EDEM2: variants seen among roughly 807,000 people sequenced by gnomAD.
EDEM2 encodes ER degradation-enhancing alpha-mannosidase-like protein 2.
Under a neutral mutation model 64.8 loss-of-function variants are expected in EDEM2, and 39 were observed. That is an observed-to-expected ratio of 0.60 (90% CI 0.47 to 0.79). The LOEUF (loss-of-function observed/expected upper bound fraction) is 0.79, where lower values mean the gene tolerates loss of function less well. Among genes scored for constraint, EDEM2 ranks in the 30% least tolerant of loss-of-function variants. The probability of loss-of-function intolerance (pLI) is 0.00; values close to 1 mark genes in which losing one functional copy is unlikely to be tolerated. For missense variants in EDEM2, 609 were observed against 731.3 expected (o/e 0.83, Z 1.93); for synonymous variants, 296 against 291.5 (o/e 1.02, Z -0.16).
chr20:35,142,274 G>C (rs1296165194), intron 4 of EDEM2, 99 bp downstream of exon 4: 1 of 970,572 alleles, frequency 1.0e-6, no homozygotes, highest in East Asian at 2.5e-5. Context: ...CAAGGGTCCT[G>C]GCATGGTCAG....
chr20:35,127,046 C>T (rs1428430931), intron 7 of EDEM2, among the ~76,000 whole-genome samples: 1 of 152,098 alleles, frequency 6.6e-6, no homozygotes, highest in Admixed American at 6.6e-5. Flanking sequence ...TCATGGGGGC[C>T]GTTTCCCCCA....
chr20:35,124,115 A>G, intron 8 of EDEM2, 81 bp from the exon 9 acceptor site: 1 of 1,532,090 alleles, frequency 6.5e-7, no homozygotes, highest in Non-Finnish European at 8.8e-7. Flanking sequence ...ACAAAGTAAA[A>G]TCTGTGGGGC....
At chr20:35,143,972 G>C (rs1223780242) in intron 3 of EDEM2, among the ~76,000 whole-genome samples, 1 of 151,978 alleles carries the variant, frequency 6.6e-6, no homozygotes, top group African/African-American at 2.4e-5. Context: ...GCAGTGGTGC[G>C]ATCTCGGCTC....
chr20:35,120,593 CTTTTT>C (rs5841194), intron 9 of EDEM2, among the ~76,000 whole-genome samples: 2 of 95,080 alleles, frequency 2.1e-5, no homozygotes, highest in Non-Finnish European at 4.1e-5. Flanking sequence ...TCGGCTTCTT[CTTTTT>C]TTTTTTTTTT....
intron 8 of EDEM2, 91 bp from the exon 9 acceptor site, chr20:35,124,125 C>T (rs190707700): frequency 6.5e-5 from 97 of 1,485,000 alleles, no homozygotes; most frequent in Non-Finnish European, 8.8e-5. Context: ...ATCTGTGGGG[C>T]CAAAAAGGCC....
At chr20:35,142,919 G>C (rs183624916) in intron 3 of EDEM2, among the ~76,000 whole-genome samples, 54 of 152,084 alleles carry the variant, frequency 3.6e-4, no homozygotes, top group African/African-American at 1.3e-3. Context: ...CACCATGCCC[G>C]GCTAATTTTT....
At chr20:35,145,426 C>A (rs991465321) in intron 2 of EDEM2, among the ~76,000 whole-genome samples, 7 of 152,164 alleles carry the variant, frequency 4.6e-5, no homozygotes, top group Admixed American at 2.0e-4. Context: ...AACTGTCCAC[C>A]CATTAATGGG....
Position 35,115,843 on chromosome 20 carries a change from G to A in EDEM2, c.1327C>T (p.Pro443Ser), listed in dbSNP as rs368746537. Residue 443 changes from proline to serine, a missense_variant, in exon 11 of 11, where the codon CCA becomes TCA. Physicochemically the swap from Pro to Ser is moderately conservative, Grantham distance 74. Coordinates refer to ENST00000374492, the MANE Select transcript of EDEM2 (RefSeq NM_018217.3). ...CCATTGTTGTGGATGAAGTTGGTTG[G>A]GTCAAACAGGAGGTAGAGGTATTTC... ...TVKYLYLLFD[P>S]TNFIHNNGST... 9 of 1,613,726 alleles carry A rather than the reference G, an allele frequency of 5.6e-6. No individual in the cohort carries two copies. The highest frequency in any genetic ancestry group is 7.6e-6 in the Non-Finnish European group (9 of 1,180,028).
chr20:35,131,552 C>T, intron 7 of EDEM2, 90 bp downstream of exon 7: 1 of 1,503,516 alleles, frequency 6.7e-7, no homozygotes, highest in Non-Finnish European at 9.1e-7. Context: ...GGAGATGGAG[C>T]AAGACTCTGT....
intron 5 of EDEM2, among the ~76,000 whole-genome samples, chr20:35,136,203 C>T (rs376025802): frequency 1.3e-5 from 2 of 152,146 alleles, no homozygotes; most frequent in African/African-American, 4.8e-5. Flanking sequence ...AAAAGTCAGG[C>T]TGTAATAAAA....
intron 8 of EDEM2, 139 bp from the exon 9 acceptor site, chr20:35,124,173 G>A: frequency 9.3e-7 from 1 of 1,080,000 alleles, no homozygotes; most frequent in South Asian, 1.7e-5. Context: ...ACTCAGTGTG[G>A]TGCTGAGCCA....
intron 7 of EDEM2, among the ~76,000 whole-genome samples, chr20:35,130,518 T>G (rs2085493422): frequency 6.6e-6 from 1 of 152,164 alleles, no homozygotes; most frequent in African/African-American, 2.4e-5. Flanking sequence ...TTATGTAAAT[T>G]TAGTGCCTCA....
In EDEM2 at chr20:35,115,507, G is replaced by A. The variant is rs369138251; in HGVS notation, c.1663C>T (p.Leu555Phe). Residue 555 changes from leucine to phenylalanine, a missense_variant, in exon 11 of 11, where the codon CTT becomes TTT. By Grantham distance (22) the Leu-to-Phe change is conservative. Transcript: ENST00000374492. ...ERKPAKQKVP[L>F]LSCPSQPFTS... is the part of the protein sequence containing the mutation. ...AAGGGCTGACTGGGGCAGCTGAGAA[G>A]TGGGACCTTCTGTTTGGCAGGCTTC... 8.2e-5 allele frequency: 133 copies of A among 1,614,058 alleles called. 1 individual carries two copies. Among genetic ancestry groups the A allele is most frequent in the Admixed American group, 1.3e-4 (8 of 60,026 alleles).
intron 10 of EDEM2, among the ~76,000 whole-genome samples, chr20:35,118,022 C>T (rs2085328242): frequency 6.6e-6 from 1 of 152,192 alleles, no homozygotes; most frequent in African/African-American, 2.4e-5. Flanking sequence ...TTTCTCCTTG[C>T]TTGCTCCGCT....
At chr20:35,141,539 C>T (rs2085653863) in intron 4 of EDEM2, among the ~76,000 whole-genome samples, 1 of 152,106 alleles carries the variant, frequency 6.6e-6, no homozygotes, top group Admixed American at 6.6e-5. Context: ...CTTTTTTAAT[C>T]TTTTATGGAT....
chr20:35,132,007 T>A (rs1231328851), intron 6 of EDEM2, among the ~76,000 whole-genome samples: 2 of 152,184 alleles, frequency 1.3e-5, no homozygotes, highest in South Asian at 4.1e-4. Flanking sequence ...GAGGACTTAA[T>A]TATACACATT....
chr20:35,118,577 T>C, intron 10 of EDEM2, 21 bp downstream of exon 10: 1 of 1,613,828 alleles, frequency 6.2e-7, no homozygotes. Context: ...TCCCAGTTCT[T>C]GGGGCCATGC....
In EDEM2 at chr20:35,146,806, G is replaced by C; in HGVS notation, c.218+19C>G. The C allele has an allele frequency of 2.5e-6, 4 of 1,611,924 alleles. No individual in the cohort carries two copies. The highest frequency in any genetic ancestry group is 3.4e-6 in the Non-Finnish European group (4 of 1,179,248). Reference sequence around the variant, plus strand: ...GAGAGTCAGACCCTGGCCGCCCCTTGCCCCTCCGCTCGCACTACCTGCCCC... The same window carrying C: ...GAGAGTCAGACCCTGGCCGCCCCTTCCCCCTCCGCTCGCACTACCTGCCCC... On this transcript the variant is annotated intron_variant, in intron 2 of 10. Transcript: ENST00000374492.
chr20:35,147,279 G>T lies in EDEM2; in HGVS notation c.-21C>A. ...GGCATAGAGCTCGTGTCCTCTCAGC[G>T]CCCCCGCAGCAGCAGCAGCCACTGC... is the stretch of plus-strand genomic sequence containing the variant. On this transcript the variant is annotated 5_prime_UTR_variant, in exon 1 of 11. Coordinates refer to ENST00000374492, the MANE Select transcript of EDEM2 (RefSeq NM_018217.3). 6.7e-7 allele frequency: 1 copy of T among 1,495,642 alleles called. No homozygotes were observed. The highest frequency in any genetic ancestry group is 8.9e-7 in the Non-Finnish European group (1 of 1,119,570). 92.6% of individuals were successfully genotyped at this position (1,495,642 alleles called of 1,614,324 possible).
Sources: gnomAD v4.1 joint callset for allele counts (sites outside exome capture counted in the v4.1 genomes callset) on GRCh38, gnomAD v4.1.1 for gene constraint, MANE v1.5 for transcripts, NCBI Gene and HGNC (gene_info 2026-07-23, HGNC 2026-07-21) for gene names.